Variants in SUCLG2 observed in about 807,000 individuals in gnomAD.
The protein encoded by SUCLG2 is succinate-CoA ligase GDP-forming subunit beta.
SUCLG2 carries 42 observed loss-of-function variants against 47.9 expected under a neutral mutation model. That is an observed-to-expected ratio of 0.88 (90% CI 0.69 to 1.14). The LOEUF is 1.14. SUCLG2 is among the 50% of genes most tolerant of loss of function. The probability of loss-of-function intolerance (pLI) is 0.00; values close to 1 mark genes in which losing one functional copy is unlikely to be tolerated. For missense variants in SUCLG2, 571 were observed against 525.9 expected (o/e 1.09, Z -0.84); for synonymous variants, 195 against 197.3 (o/e 0.99, Z 0.10).
At chr3:67,538,845 T>C (rs975985024) in intron 2 of SUCLG2, among the ~76,000 whole-genome samples, 2 of 151,930 alleles carry the variant, frequency 1.3e-5, no homozygotes, top group African/African-American at 4.9e-5. Flanking sequence ...TCACTCATGA[T>C]TTGGCTCTTT....
At chr3:67,550,645 G>C (rs2107193779) in intron 2 of SUCLG2, among the ~76,000 whole-genome samples, 1 of 152,262 alleles carries the variant, frequency 6.6e-6, no homozygotes, top group South Asian at 2.1e-4. Context: ...TCTCCTTTCT[G>C]TGTACATCTG....
intron 2 of SUCLG2, among the ~76,000 whole-genome samples, chr3:67,595,704 A>G (rs1559588328): frequency 6.6e-6 from 1 of 152,202 alleles, no homozygotes; most frequent in South Asian, 2.1e-4. Context: ...GATTAGGACA[A>G]TGGCATATCT....
chr3:67,426,504 A>AT (rs1703304100), intron 9 of SUCLG2, among the ~76,000 whole-genome samples: 3 of 152,196 alleles, frequency 2.0e-5, no homozygotes, highest in East Asian at 1.9e-4. Context: ...TGAGTAAAAA[A>AT]ATATATATTA....
intron 9 of SUCLG2, among the ~76,000 whole-genome samples, chr3:67,486,015 G>A (rs1250370873): frequency 1.3e-5 from 2 of 152,218 alleles, no homozygotes; most frequent in African/African-American, 4.8e-5. Context: ...GCTCATGTCT[G>A]TAATCCCAGC....
intron 1 of SUCLG2, among the ~76,000 whole-genome samples, chr3:67,641,714 T>A (rs992527025): frequency 6.6e-6 from 1 of 152,132 alleles, no homozygotes. Flanking sequence ...ATACTGGGTA[T>A]CCTAGGACTG....
At chr3:67,599,435 C>T (rs1229202049) in intron 2 of SUCLG2, among the ~76,000 whole-genome samples, 1 of 152,166 alleles carries the variant, frequency 6.6e-6, no homozygotes, top group Non-Finnish European at 1.5e-5. Context: ...ATCCACTAAA[C>T]AAGGAACAGT....
chr3:67,597,508 G>A (rs1411494658), intron 2 of SUCLG2, among the ~76,000 whole-genome samples: 1 of 152,108 alleles, frequency 6.6e-6, no homozygotes, highest in African/African-American at 2.4e-5. Flanking sequence ...TTTAGCCCTG[G>A]AACAAATCCA....
In SUCLG2 at chr3:67,500,308, C is replaced by A. The variant is rs181998622; in HGVS notation, c.758-2013G>T. Among the ~76,000 whole-genome samples, 5 of 152,290 alleles carry A rather than the reference C, an allele frequency of 3.3e-5. No homozygotes were observed. The East Asian group carries it at 9.6e-4, about 29-fold the overall frequency. On this transcript the variant is annotated intron_variant, in intron 7 of 10. Coordinates refer to ENST00000307227, the MANE Select transcript of SUCLG2 (RefSeq NM_003848.4). ...GGGTTTCCCTACCACAATATTCAAG[C>A]ACTTTGATACAAATCTGTGTAGACC... is the stretch of plus-strand genomic sequence containing the variant.
chr3:67,623,271 C>A (rs145377629), intron 1 of SUCLG2, among the ~76,000 whole-genome samples: 1 of 152,036 alleles, frequency 6.6e-6, no homozygotes, highest in Non-Finnish European at 1.5e-5. Context: ...GAGGCCAAAG[C>A]GGGTGAATCA....
At chr3:67,487,203 G>C (rs560458015) in intron 9 of SUCLG2, among the ~76,000 whole-genome samples, 14 of 151,912 alleles carry the variant, frequency 9.2e-5, no homozygotes, top group African/African-American at 3.4e-4. Context: ...GAGGGGTGGG[G>C]GGAATACCAT....
At chr3:67,446,633 C>T (rs111348244) in intron 9 of SUCLG2, among the ~76,000 whole-genome samples, 74 of 150,632 alleles carry the variant, frequency 4.9e-4, no homozygotes, top group African/African-American at 1.7e-3. Context: ...GGGATTTCAC[C>T]ATATTGGCCA....
At chr3:67,494,224 G>A (rs1705274015) in intron 9 of SUCLG2, among the ~76,000 whole-genome samples, 1 of 152,072 alleles carries the variant, frequency 6.6e-6, no homozygotes, top group South Asian at 2.1e-4. Context: ...AAAAAATCTG[G>A]TATTATTTTC....
chr3:67,593,491 A>C (rs1420164106), intron 2 of SUCLG2, among the ~76,000 whole-genome samples: 1 of 152,196 alleles, frequency 6.6e-6, no homozygotes, highest in African/African-American at 2.4e-5. Context: ...CCAAACATCA[A>C]CAAGTCCCGA....
rs1705405098 is a variant in SUCLG2 at position 67,498,305 on chromosome 3, GAA to G, written c.758-12_758-11del. 9 of 1,364,304 alleles carry G rather than the reference GAA, an allele frequency of 6.6e-6. No individual in the cohort carries two copies. In the East Asian group the frequency reaches 4.1e-4, roughly 62 times the overall value. The allele number at this position is 1,364,304 out of a possible 1,614,324, so 84.5% of individuals were successfully genotyped here. On this transcript the variant is annotated splice_polypyrimidine_tract_variant and intron_variant, in intron 7 of 10. Transcript: ENST00000307227. ...GCATCAAAACAGACAACTAAATAAAGAAGAAAACAATCATACTTGAATATCTC... is the reference window on the plus strand; with the variant it reads ...GCATCAAAACAGACAACTAAATAAAGGAAAACAATCATACTTGAATATCTC...
At chr3:67,579,635 G>A (rs1310311377) in intron 2 of SUCLG2, among the ~76,000 whole-genome samples, 8 of 152,174 alleles carry the variant, frequency 5.3e-5, no homozygotes, top group Admixed American at 5.2e-4. Flanking sequence ...TGTTCTAGGA[G>A]CACAGTGATA....
intron 2 of SUCLG2, among the ~76,000 whole-genome samples, chr3:67,585,384 G>A (rs190730128): frequency 5.9e-5 from 9 of 152,260 alleles, no homozygotes; most frequent in Non-Finnish European, 7.4e-5. Context: ...AACATGAAGC[G>A]GACACTCAGT....
chr3:67,414,295 C>A (rs1702989522), intron 9 of SUCLG2, among the ~76,000 whole-genome samples: 1 of 152,196 alleles, frequency 6.6e-6, no homozygotes, highest in Admixed American at 6.5e-5. Context: ...TCTGCCTTGG[C>A]AGATTTGAGA....
At chr3:67,440,596 G>A (rs1703735977) in intron 9 of SUCLG2, among the ~76,000 whole-genome samples, 1 of 152,088 alleles carries the variant, frequency 6.6e-6, no homozygotes, top group African/African-American at 2.4e-5. Flanking sequence ...CTCAAAAGAA[G>A]ACATTTATGC....
At chr3:67,427,839 C>T (rs1206711818) in intron 9 of SUCLG2, among the ~76,000 whole-genome samples, 1 of 152,218 alleles carries the variant, frequency 6.6e-6, no homozygotes, top group East Asian at 1.9e-4. Context: ...CTCAGAGGGT[C>T]CCACAACCAT....
Sources: gnomAD v4.1 joint callset for allele counts (sites outside exome capture counted in the v4.1 genomes callset) on GRCh38, gnomAD v4.1.1 for gene constraint, MANE v1.5 for transcripts, NCBI Gene and HGNC (gene_info 2026-07-23, HGNC 2026-07-21) for gene names.